Variants in FZD3 observed in about 807,000 individuals in gnomAD.
FZD3 encodes the protein frizzled class receptor 3.
FZD3 carries 30 observed loss-of-function variants against 60.7 expected under a neutral mutation model. That is an observed-to-expected ratio of 0.49 (90% CI 0.37 to 0.67). The LOEUF (loss-of-function observed/expected upper bound fraction) is 0.67, where lower values mean the gene tolerates loss of function less well. FZD3 is among the 30% of genes least tolerant of loss of function. The pLI is 0.00. For synonymous variants in FZD3, 246 were observed against 275.2 expected (o/e 0.89, Z 1.05); for missense variants, 605 against 838.7 (o/e 0.72, Z 3.44).
At chr8:28,540,479 G>A (rs756070824) in intron 5 of FZD3, among the ~76,000 whole-genome samples, 36 of 152,212 alleles carry the variant, frequency 2.4e-4, no homozygotes, top group Non-Finnish European at 4.6e-4. Flanking sequence ...CACTGGCCTC[G>A]GCCTCCCAAA....
At chr8:28,516,501 C>T (rs1410316162) in intron 3 of FZD3, among the ~76,000 whole-genome samples, 1 of 152,126 alleles carries the variant, frequency 6.6e-6, no homozygotes, top group Non-Finnish European at 1.5e-5. Context: ...GTATTGCCAT[C>T]TGAACAACAT....
chr8:28,532,347 G>A (rs1410595602), intron 5 of FZD3, among the ~76,000 whole-genome samples: 1 of 152,092 alleles, frequency 6.6e-6, no homozygotes, highest in African/African-American at 2.4e-5. Context: ...TGCCATTTTT[G>A]CAATACTGAG....
chr8:28,524,747 C>T (rs1461419310), intron 4 of FZD3, among the ~76,000 whole-genome samples: 1 of 107,372 alleles, frequency 9.3e-6, no homozygotes, highest in Admixed American at 1.0e-4. Context: ...AAACCTAAGT[C>T]TGTAGCCTCT....
rs1805680320 is a variant in FZD3 at position 28,564,902 on chromosome 8, AG to A, written c.*1892del. On this transcript the variant is annotated 3_prime_UTR_variant, in exon 8 of 8. Transcript: ENST00000240093. Reference sequence around the variant, plus strand: ...ACTCTACCTACCTCACAAAGCTGTCAGATTAAGATCAAGTGAAAAAAATTAT... The same window carrying A: ...ACTCTACCTACCTCACAAAGCTGTCAATTAAGATCAAGTGAAAAAAATTAT... The A allele has an allele frequency of 6.6e-6, 1 of 152,226 alleles. No homozygotes were observed. The highest frequency in any genetic ancestry group is 6.5e-5 in the Admixed American group (1 of 15,280). 9.4% of individuals were successfully genotyped at this position (152,226 alleles called of 1,614,324 possible). A position where few individuals can be genotyped will look rare whatever the true frequency, so the allele number is the denominator to read the frequency against.
At chr8:28,560,432 T>G (rs181687614) in intron 7 of FZD3, among the ~76,000 whole-genome samples, 1 of 152,316 alleles carries the variant, frequency 6.6e-6, no homozygotes, top group Admixed American at 6.5e-5. Flanking sequence ...AGTTGACTCT[T>G]AATTATCCAT....
rs1206957634 is a variant in FZD3, at chr8:28,571,064, C to A, written c.*8053C>A. The A allele has an allele frequency of 6.8e-6, 1 of 147,210 alleles. No individual in the cohort carries two copies. The highest frequency in any genetic ancestry group is 6.8e-5 in the Admixed American group (1 of 14,746). The allele number at this position is 147,210 out of a possible 1,614,324, so 9.1% of individuals were successfully genotyped here. A position where few individuals can be genotyped will look rare whatever the true frequency, so the allele number is the denominator to read the frequency against. ...AAAAAGAAAAGGTTTGTTTTTAGTT[C>A]TCTGCCTCTGCAAGTCTTTGTGATC... On this transcript the variant is annotated 3_prime_UTR_variant, in exon 8 of 8. Transcript: ENST00000240093.
intron 2 of FZD3, among the ~76,000 whole-genome samples, chr8:28,502,141 G>A (rs1379659736): frequency 6.6e-6 from 1 of 152,142 alleles, no homozygotes; most frequent in African/African-American, 2.4e-5. Flanking sequence ...GTACATAGAA[G>A]TTAAGTGGTA....
intron 5 of FZD3, among the ~76,000 whole-genome samples, chr8:28,547,086 G>A (rs1805312725): frequency 6.6e-6 from 1 of 152,138 alleles, no homozygotes; most frequent in Non-Finnish European, 1.5e-5. Context: ...CCCTCTCAAG[G>A]GTAACTTGGA....
At chr8:28,551,552 A>G in intron 5 of FZD3, 51 bp from the exon 6 acceptor site, 1 of 1,355,940 alleles carries the variant, frequency 7.4e-7, no homozygotes. Context: ...ATGGCCTTTA[A>G]TAGAAAGTTA....
At chr8:28,548,128 C>T (rs1336948156) in intron 5 of FZD3, among the ~76,000 whole-genome samples, 3 of 152,128 alleles carry the variant, frequency 2.0e-5, no homozygotes, top group Non-Finnish European at 4.4e-5. Context: ...GCTGGGATTA[C>T]AGGTGTGAGC....
At chr8:28,539,542 A>T (rs998110143) in intron 5 of FZD3, among the ~76,000 whole-genome samples, 2 of 152,202 alleles carry the variant, frequency 1.3e-5, no homozygotes, top group African/African-American at 2.4e-5. Context: ...GTGTAGTTAA[A>T]AAGTACGCAA....
intron 5 of FZD3, among the ~76,000 whole-genome samples, chr8:28,537,208 A>G (rs1168480194): frequency 6.6e-6 from 1 of 152,262 alleles, no homozygotes; most frequent in Non-Finnish European, 1.5e-5. Flanking sequence ...AGACTATTAT[A>G]GAAATTTATA....
At chr8:28,518,029 G>A (rs1016541144) in intron 3 of FZD3, among the ~76,000 whole-genome samples, 3 of 151,940 alleles carry the variant, frequency 2.0e-5, no homozygotes, top group Non-Finnish European at 4.4e-5. Context: ...AATGCAATTA[G>A]CACTTTATTT....
intron 1 of FZD3, 26 bp downstream of exon 1, chr8:28,494,369 C>T (rs1280352053): frequency 1.3e-5 from 2 of 152,138 alleles, no homozygotes; most frequent in African/African-American, 4.8e-5. Flanking sequence ...CGTGTGGGCC[C>T]CTGGGCCGGG....
At chr8:28,512,778 G>A (rs545538697) in intron 3 of FZD3, among the ~76,000 whole-genome samples, 8 of 152,174 alleles carry the variant, frequency 5.3e-5, no homozygotes, top group South Asian at 4.2e-4. Context: ...GTCATGGAAG[G>A]CTTCAAATTG....
intron 5 of FZD3, among the ~76,000 whole-genome samples, chr8:28,550,043 T>C (rs1372969320): frequency 6.6e-6 from 1 of 152,134 alleles, no homozygotes; most frequent in Non-Finnish European, 1.5e-5. Context: ...TATAAATAAT[T>C]TTAATCGTTT....
At chr8:28,519,907 G>A (rs1804529984) in intron 3 of FZD3, among the ~76,000 whole-genome samples, 1 of 151,790 alleles carries the variant, frequency 6.6e-6, no homozygotes, top group Admixed American at 6.6e-5. Flanking sequence ...AGAAGATTTA[G>A]AAATTGAAAT....
chr8:28,522,275 GA>G (rs999035734), intron 4 of FZD3, among the ~76,000 whole-genome samples: 23 of 144,044 alleles, frequency 1.6e-4, no homozygotes, highest in African/African-American at 4.1e-4. Flanking sequence ...AAATGACATT[GA>G]AAAAAAAAAC....
At chr8:28,526,669 A>G (rs1016237329) in intron 4 of FZD3, among the ~76,000 whole-genome samples, 1 of 152,194 alleles carries the variant, frequency 6.6e-6, no homozygotes, top group African/African-American at 2.4e-5. Context: ...AATGGTTTGT[A>G]TTAGAAAATT....
Sources: gnomAD v4.1 joint callset for allele counts (sites outside exome capture counted in the v4.1 genomes callset) on GRCh38, gnomAD v4.1.1 for gene constraint, MANE v1.5 for transcripts, NCBI Gene and HGNC (gene_info 2026-07-23, HGNC 2026-07-21) for gene names.